Variants in TRANK1 observed in about 807,000 individuals in gnomAD.
TRANK1 encodes the protein TPR and ankyrin repeat-containing protein 1.
In TRANK1, 198 loss-of-function variants were observed where a neutral mutation model predicts 266.0. The observed-to-expected ratio is 0.74, with a 90% CI of 0.66 to 0.84. The LOEUF (loss-of-function observed/expected upper bound fraction) is 0.84, where lower values mean the gene tolerates loss of function less well. TRANK1 is among the 40% of genes least tolerant of loss of function. The pLI is 0.00. For synonymous variants in TRANK1, 1,396 were observed against 1,384.1 expected, an observed-to-expected ratio of 1.01 and a Z score of -0.19; for missense variants, 3,326 against 3,634.6, an observed-to-expected ratio of 0.92 and a Z score of 2.18.
chr3:36,851,559 C>T (rs2078984521), intron 15 of TRANK1, 160 bp downstream of exon 15: 1 of 1,223,062 alleles, frequency 8.2e-7, no homozygotes. Context: ...AAACCCACAT[C>T]TAAACACACA....
rs370553712 is a variant in TRANK1 at position 36,832,939 on chromosome 3, C to T, written c.6644G>A (p.Arg2215His). ...CTGAACTAAACACTTGGCTTCACAACGCCGCAGAGGCCTGTGAAAATGTTC... is the reference window on the plus strand; with the variant it reads ...CTGAACTAAACACTTGGCTTCACAATGCCGCAGAGGCCTGTGAAAATGTTC... Reference protein sequence around the residue: ...NCEHFHRPLRRCEAKCLVQSK... With the variant: ...NCEHFHRPLRHCEAKCLVQSK... The change falls in exon 22 of 24, where the codon CGT becomes CAT. Residue 2215 changes from arginine to histidine, a missense_variant. By Grantham distance (29) the Arg-to-His change is conservative. Coordinates refer to ENST00000645898, the MANE Select transcript of TRANK1 (RefSeq NM_001329998.2). The T allele has an allele frequency of 1.4e-5, 23 of 1,612,814 alleles. No individual in the cohort carries two copies. The highest frequency in any genetic ancestry group is 2.2e-5 in the East Asian group (1 of 44,874).
chr3:36,942,482 C>CAG (rs771640189), intron 1 of TRANK1, among the ~76,000 whole-genome samples: 1 of 79,946 alleles, frequency 1.3e-5, no homozygotes, highest in Non-Finnish European at 2.4e-5. Context: ...TCTTCTTCCT[C>CAG]AAAAAAAAAA....
intron 1 of TRANK1, among the ~76,000 whole-genome samples, chr3:36,918,637 A>G (rs928637983): frequency 1.4e-5 from 2 of 139,238 alleles, no homozygotes; most frequent in African/African-American, 5.5e-5. Flanking sequence ...GAAAGAAAGA[A>G]AGAGAAAGAA....
chr3:36,927,635 T>C lies in TRANK1; in HGVS notation c.23+17152A>G, dbSNP rs142406456. 3.5e-3 allele frequency among the ~76,000 whole-genome samples: 533 copies of C among 152,322 alleles called. 2 individuals carry two copies. The highest frequency in any genetic ancestry group is 0.012 in the African/African-American group (499 of 41,558). On this transcript the variant is annotated intron_variant, in intron 1 of 23. Transcript: ENST00000645898. ...TGCCCTTCTTCACCTACAACTGTCT[T>C]GGGAAATTCTTTTCTCTGCACGCCA...
intron 8 of TRANK1, among the ~76,000 whole-genome samples, chr3:36,876,344 T>C (rs975225115): frequency 6.6e-6 from 1 of 152,254 alleles, no homozygotes; most frequent in Non-Finnish European, 1.5e-5. Context: ...CTCTGTCCCA[T>C]ACCCTCTTCC....
Position 36,943,984 on chromosome 3 carries a change from G to A in TRANK1, c.23+803C>T, listed in dbSNP as rs149966358. 3.1e-4 allele frequency among the ~76,000 whole-genome samples: 47 copies of A among 152,276 alleles called. No homozygotes were observed. In the East Asian group the frequency reaches 5.6e-3, roughly 18 times the overall value. Reference sequence around the variant, plus strand: ...AGAAACACCCCGATCTGGGAGAAAAGGTGGCTTGAGCTGCACCTCAAAGAT... The same window carrying A: ...AGAAACACCCCGATCTGGGAGAAAAAGTGGCTTGAGCTGCACCTCAAAGAT... On this transcript the variant is annotated intron_variant, in intron 1 of 23. Coordinates refer to ENST00000645898, the MANE Select transcript of TRANK1 (RefSeq NM_001329998.2).
At chr3:36,881,792 T>G (rs2079535253) in intron 8 of TRANK1, among the ~76,000 whole-genome samples, 1 of 152,168 alleles carries the variant, frequency 6.6e-6, no homozygotes, top group South Asian at 2.1e-4. Context: ...GTAATCTACT[T>G]TCTGTCTCTA....
intron 21 of TRANK1, 115 bp downstream of exon 21, chr3:36,834,647 G>C: frequency 8.1e-7 from 1 of 1,228,952 alleles, no homozygotes; most frequent in Non-Finnish European, 1.1e-6. Flanking sequence ...AGTGGAAAGG[G>C]AGCAATGTGG....
At chr3:36,888,133 A>G (rs1215726641) in intron 8 of TRANK1, among the ~76,000 whole-genome samples, 1 of 152,250 alleles carries the variant, frequency 6.6e-6, no homozygotes, top group African/African-American at 2.4e-5. Flanking sequence ...AAAATGTGGT[A>G]TATTTATACA....
At chr3:36,846,650 T>C (rs1010717985) in intron 16 of TRANK1, among the ~76,000 whole-genome samples, 1 of 152,208 alleles carries the variant, frequency 6.6e-6, no homozygotes, top group Non-Finnish European at 1.5e-5. Context: ...GCCATCTGTA[T>C]AGGATGACCT....
intron 9 of TRANK1, among the ~76,000 whole-genome samples, chr3:36,866,511 G>A (rs970690458): frequency 6.6e-6 from 1 of 152,194 alleles, no homozygotes; most frequent in African/African-American, 2.4e-5. Context: ...TATGCACTCA[G>A]GCAAAGTCCC....
intron 8 of TRANK1, among the ~76,000 whole-genome samples, chr3:36,882,063 TTC>T (rs1253980124): frequency 6.6e-6 from 1 of 152,216 alleles, no homozygotes; most frequent in Non-Finnish European, 1.5e-5. Context: ...CATGTACAAG[TTC>T]TTATTTGGGC....
chr3:36,851,095 A>G (rs3733033), intron 15 of TRANK1: 89,007 of 985,478 alleles, frequency 0.09, 4,447 homozygotes, highest in Admixed American at 0.15. Context: ...AAAAACCCAC[A>G]AGGACTCAGG....
rs200296343 is a variant in TRANK1, at chr3:36,855,334, G to T, written c.4388C>A (p.Thr1463Lys). 5 of 1,614,022 alleles carry T rather than the reference G, an allele frequency of 3.1e-6. No individual in the cohort carries two copies. Among genetic ancestry groups the T allele is most frequent in the Non-Finnish European group, 2.5e-6 (3 of 1,179,884 alleles). The change falls in exon 13 of 24, where the codon ACG becomes AAG. Residue 1463 changes from threonine to lysine, a missense_variant. Coordinates refer to ENST00000645898, the MANE Select transcript of TRANK1 (RefSeq NM_001329998.2). ...CATGATGCTCTGGGCCGTGTCCCCC[G>T]TGAGGAACATAGAGTTGGGGTCATT... ...CINDPNSMFL[T>K]GDTAQSIMKG...
intron 1 of TRANK1, among the ~76,000 whole-genome samples, chr3:36,920,539 G>A (rs2080200116): frequency 1.3e-5 from 2 of 152,158 alleles, no homozygotes; most frequent in South Asian, 2.1e-4. Flanking sequence ...CCAAGACAGT[G>A]TTTTATCATC....
chr3:36,932,318 C>G lies in TRANK1; in HGVS notation c.23+12469G>C, dbSNP rs548504101. 9.7e-4 allele frequency among the ~76,000 whole-genome samples: 147 copies of G among 152,300 alleles called. 2 individuals carry two copies. The highest frequency in any genetic ancestry group is 6.8e-3 in the Middle Eastern group (2 of 294). ...GAGTGCAGTGGCTCACGCCTGTAAT[C>G]CCAGCACTTTGGGAGGTGGAGGTGA... On this transcript the variant is annotated intron_variant, in intron 1 of 23. Coordinates refer to ENST00000645898, the MANE Select transcript of TRANK1 (RefSeq NM_001329998.2).
intron 1 of TRANK1, among the ~76,000 whole-genome samples, chr3:36,914,470 T>A (rs2080098417): frequency 7.4e-6 from 1 of 134,366 alleles, no homozygotes; most frequent in Non-Finnish European, 1.6e-5. Context: ...TTTTTTTAAG[T>A]AAATTTTATT....
upstream of TRANK1, among the ~76,000 whole-genome samples, chr3:36,945,273 C>A (rs2125678056): frequency 6.6e-6 from 1 of 152,280 alleles, no homozygotes; most frequent in South Asian, 2.1e-4. Flanking sequence ...CTCGGGCATG[C>A]GAGAATTCGG....
intron 13 of TRANK1, among the ~76,000 whole-genome samples, chr3:36,853,540 G>A (rs1482972692): frequency 6.6e-6 from 1 of 152,180 alleles, no homozygotes; most frequent in Non-Finnish European, 1.5e-5. Context: ...GGAGTTAGCA[G>A]GGGCCAAATA....
Sources: allele counts gnomAD v4.1 joint callset (sites outside exome capture counted in the v4.1 genomes callset), GRCh38; gene constraint gnomAD v4.1.1; transcripts MANE v1.5; gene names NCBI Gene and HGNC (gene_info 2026-07-23, HGNC 2026-07-21).